Variants in PIK3AP1 observed in about 807,000 individuals in gnomAD.
The protein encoded by PIK3AP1 is phosphoinositide-3-kinase adaptor protein 1, also known as phosphoinositide 3-kinase adapter protein 1.
In PIK3AP1, 21 loss-of-function variants were observed where a neutral mutation model predicts 88.1. The observed-to-expected ratio is 0.24, with a 90% CI of 0.17 to 0.34. PIK3AP1 has a LOEUF of 0.34. PIK3AP1 is among the 10% of genes least tolerant of loss of function. The pLI is 1.00. For synonymous variants in PIK3AP1, 398 were observed against 400.0 expected (o/e 1.00, Z 0.06); for missense variants, 828 against 1,035.7 (o/e 0.80, Z 2.75).
rs547719661 is a variant in PIK3AP1, at chr10:96,715,762, C to T, written c.13+4620G>A. 3.4e-3 allele frequency among the ~76,000 whole-genome samples: 517 copies of T among 151,882 alleles called. 1 individual carries two copies. Among genetic ancestry groups the T allele is most frequent in the Middle Eastern group, 6.8e-3 (2 of 294 alleles). Reference sequence around the variant, plus strand: ...AAAATTAGCCGGGAATTGTGGCGGGCACCTGTAGTCCCAGCTACTCAGGAG... The same window carrying T: ...AAAATTAGCCGGGAATTGTGGCGGGTACCTGTAGTCCCAGCTACTCAGGAG... On this transcript the variant is annotated intron_variant, in intron 1 of 16. Coordinates refer to ENST00000339364, the MANE Select transcript of PIK3AP1 (RefSeq NM_152309.3).
At chr10:96,689,575 CAAAAA>C (rs56828361) in intron 2 of PIK3AP1, among the ~76,000 whole-genome samples, 7 of 70,454 alleles carry the variant, frequency 9.9e-5, no homozygotes, top group Non-Finnish European at 1.4e-4. Context: ...GACTCTGTCT[CAAAAA>C]AAAAAAAAAA....
Position 96,697,568 on chromosome 10 carries a change from T to A in PIK3AP1, c.430+11999A>T, listed in dbSNP as rs139677694. Among the ~76,000 whole-genome samples the A allele has an allele frequency of 3.6e-3, 544 of 149,866 alleles. 2 individuals carry two copies. Among genetic ancestry groups the A allele is most frequent in the Middle Eastern group, 0.01 (3 of 294 alleles). On this transcript the variant is annotated intron_variant, in intron 2 of 16. Coordinates refer to ENST00000339364, the MANE Select transcript of PIK3AP1 (RefSeq NM_152309.3). ...TGAGATCCTATCTCTACAAAATAAA[T>A]TTTTTTTTTAATTAGCCGGGCATGA...
At chr10:96,625,662 A>G (rs532613467) in intron 10 of PIK3AP1, among the ~76,000 whole-genome samples, 6 of 152,198 alleles carry the variant, frequency 3.9e-5, no homozygotes, top group Non-Finnish European at 7.3e-5. Context: ...ACCTTCCCCA[A>G]TTTATAATTC....
chr10:96,714,929 T>C (rs1844483185), intron 1 of PIK3AP1, among the ~76,000 whole-genome samples: 1 of 152,044 alleles, frequency 6.6e-6, no homozygotes, highest in African/African-American at 2.4e-5. Context: ...TGTAGATAGA[T>C]AACTCCACCC....
chr10:96,710,282 C>T (rs1844422901), intron 1 of PIK3AP1, among the ~76,000 whole-genome samples: 1 of 152,044 alleles, frequency 6.6e-6, no homozygotes, highest in Non-Finnish European at 1.5e-5. Context: ...GAGTCAGTGG[C>T]CCAATCTCAG....
At chr10:96,668,372 T>C (rs2134250810) in intron 2 of PIK3AP1, among the ~76,000 whole-genome samples, 1 of 152,336 alleles carries the variant, frequency 6.6e-6, no homozygotes, top group South Asian at 2.1e-4. Context: ...TGGGAAATGC[T>C]GCATTATGCT....
intron 2 of PIK3AP1, among the ~76,000 whole-genome samples, chr10:96,661,465 A>G (rs1843685308): frequency 6.6e-6 from 1 of 152,184 alleles, no homozygotes; most frequent in Admixed American, 6.5e-5. Context: ...TGATGCATCA[A>G]TGTAGATTCA....
At chr10:96,683,481 A>T (rs1844028860) in intron 2 of PIK3AP1, among the ~76,000 whole-genome samples, 1 of 152,252 alleles carries the variant, frequency 6.6e-6, no homozygotes. Context: ...CTGACAAAAA[A>T]AAATCTACTT....
At chr10:96,664,427 T>C (rs1843733963) in intron 2 of PIK3AP1, among the ~76,000 whole-genome samples, 1 of 152,156 alleles carries the variant, frequency 6.6e-6, no homozygotes, top group South Asian at 2.1e-4. Context: ...GTATTTTCCA[T>C]AGTGAGAAAG....
chr10:96,626,525 G>A (rs1247065197), intron 10 of PIK3AP1, among the ~76,000 whole-genome samples, 183 bp downstream of exon 10: 1 of 152,154 alleles, frequency 6.6e-6, no homozygotes, highest in East Asian at 1.9e-4. Flanking sequence ...ACTGACTCTG[G>A]TCATTACTCC....
chr10:96,628,287 TATGCAGCAGC>T, intron 9 of PIK3AP1, 101 bp downstream of exon 9: 1 of 908,814 alleles, frequency 1.1e-6, no homozygotes, highest in Admixed American at 1.8e-5. Context: ...ACATGCCATG[TATGCAGCAGC>T]CCATTCCTTG....
At chr10:96,697,023 T>C (rs1050621016) in intron 2 of PIK3AP1, among the ~76,000 whole-genome samples, 1 of 152,154 alleles carries the variant, frequency 6.6e-6, no homozygotes, top group African/African-American at 2.4e-5. Flanking sequence ...AGAACAAAAA[T>C]AGATACAGAG....
chr10:96,677,027 C>T (rs1380916988), intron 2 of PIK3AP1, among the ~76,000 whole-genome samples: 1 of 152,046 alleles, frequency 6.6e-6, no homozygotes, highest in Non-Finnish European at 1.5e-5. Flanking sequence ...CCACTCTTCA[C>T]ACAGCCTCCA....
At chr10:96,627,137 A>G (rs774268877) in intron 9 of PIK3AP1, among the ~76,000 whole-genome samples, 10 of 152,366 alleles carry the variant, frequency 6.6e-5, no homozygotes, top group Non-Finnish European at 1.3e-4. Flanking sequence ...GGACATGAGC[A>G]CAAGGCTTTA....
At chr10:96,603,873 T>C in intron 15 of PIK3AP1, 106 bp downstream of exon 15, 1 of 1,042,508 alleles carries the variant, frequency 9.6e-7, no homozygotes, top group South Asian at 1.7e-5. Context: ...AATGGAATCC[T>C]ATAATATATG....
chr10:96,625,093 C>A (rs150446074), intron 10 of PIK3AP1, among the ~76,000 whole-genome samples: 1 of 152,146 alleles, frequency 6.6e-6, no homozygotes. Context: ...AGTTACACTG[C>A]GGGCAACCTA....
At chr10:96,617,236 C>T (rs1027685302) in intron 12 of PIK3AP1, among the ~76,000 whole-genome samples, 2 of 152,352 alleles carry the variant, frequency 1.3e-5, no homozygotes, top group African/African-American at 2.4e-5. Context: ...CAAGAGACCA[C>T]GTCGTGTACC....
At chr10:96,696,209 A>T (rs1844218562) in intron 2 of PIK3AP1, among the ~76,000 whole-genome samples, 1 of 152,228 alleles carries the variant, frequency 6.6e-6, no homozygotes, top group East Asian at 1.9e-4. Flanking sequence ...TCAGTAAGAG[A>T]CCAGTATTGT....
At chr10:96,710,073 T>A in intron 1 of PIK3AP1, 90 bp from the exon 2 acceptor site, 1 of 1,306,336 alleles carries the variant, frequency 7.7e-7, no homozygotes, top group Non-Finnish European at 1.0e-6. Context: ...ATCCAGACAC[T>A]GGGTCTGGCA....
Sources: allele counts gnomAD v4.1 joint callset (sites outside exome capture counted in the v4.1 genomes callset), GRCh38; gene constraint gnomAD v4.1.1; transcripts MANE v1.5; gene names NCBI Gene and HGNC (gene_info 2026-07-23, HGNC 2026-07-21).